LIPH: variants seen among roughly 807,000 people sequenced by gnomAD.
LIPH encodes lipase member H.
LIPH carries 32 observed loss-of-function variants against 47.6 expected under a neutral mutation model. The observed-to-expected ratio is 0.67, with a 90% CI of 0.51 to 0.90. The LOEUF is 0.90. Ranked by LOEUF, LIPH falls within the 40% of genes least tolerant of loss-of-function variation. The pLI is 0.00. For missense variants in LIPH, 497 were observed against 541.4 expected (o/e 0.92, Z 0.81); for synonymous variants, 190 against 195.6 (o/e 0.97, Z 0.24).
chr3:185,551,894 T>C (rs1374322011), intron 1 of LIPH, among the ~76,000 whole-genome samples: 2 of 152,096 alleles, frequency 1.3e-5, no homozygotes, highest in Admixed American at 6.6e-5. Context: ...TTATGATTAA[T>C]AATTTTTAAG....
chr3:185,531,534 G>C (rs926177753), intron 3 of LIPH, among the ~76,000 whole-genome samples: 4 of 149,634 alleles, frequency 2.7e-5, no homozygotes, highest in African/African-American at 9.9e-5. Context: ...TCCAGCCTGG[G>C]CGACAGAGTA....
chr3:185,540,588 T>G (rs1015515743), intron 1 of LIPH, among the ~76,000 whole-genome samples: 2 of 151,880 alleles, frequency 1.3e-5, no homozygotes, highest in African/African-American at 4.8e-5. Context: ...CATGGTGGCG[T>G]GCGCCTGTAG....
At chr3:185,513,626 C>A (rs770826292) in intron 8 of LIPH, among the ~76,000 whole-genome samples, 1 of 152,136 alleles carries the variant, frequency 6.6e-6, no homozygotes, top group Non-Finnish European at 1.5e-5. Flanking sequence ...ATTTGCACAC[C>A]CATGTTCATA....
At chr3:185,547,008 G>A (rs755930854) in intron 1 of LIPH, 23 of 410,770 alleles carry the variant, frequency 5.6e-5, no homozygotes, top group South Asian at 3.7e-4. Context: ...GGACAGAGGC[G>A]AGGAAATTCT....
intron 3 of LIPH, among the ~76,000 whole-genome samples, chr3:185,532,847 T>C (rs1720375922): frequency 6.6e-6 from 1 of 152,034 alleles, no homozygotes; most frequent in African/African-American, 2.4e-5. Flanking sequence ...AATTAAAAAC[T>C]TGTGGCCCTA....
intron 2 of LIPH, 98 bp downstream of exon 2, chr3:185,534,667 T>TA: frequency 7.9e-7 from 1 of 1,271,340 alleles, no homozygotes; most frequent in Non-Finnish European, 1.1e-6. Context: ...TGTTGCAATA[T>TA]AGGCCTCCTG....
Position 185,533,682 on chromosome 3 carries a change from G to A in LIPH, c.418-3C>T. ...TCATCAAGAGAAGCTCCTTCTGCCT[G>A]GAATTTCAAGAGGTCCATCATTGTA... is the stretch of plus-strand genomic sequence containing the variant. On this transcript the variant is annotated splice_polypyrimidine_tract_variant and splice_region_variant and intron_variant, in intron 2 of 9. Coordinates refer to ENST00000296252, the MANE Select transcript of LIPH (RefSeq NM_139248.3). 3.8e-6 allele frequency: 6 copies of A among 1,588,648 alleles called. No individual in the cohort carries two copies. The highest frequency in any genetic ancestry group is 5.2e-6 in the Non-Finnish European group (6 of 1,156,784).
intron 6 of LIPH, among the ~76,000 whole-genome samples, chr3:185,518,484 G>A (rs1315851011): frequency 3.3e-5 from 5 of 151,794 alleles, no homozygotes; most frequent in East Asian, 1.9e-4. Context: ...ATATCACCAT[G>A]TTGGCCAGGC....
rs1037932818 is a variant in LIPH at position 185,549,621 on chromosome 3, G to A, written c.49+2802C>T. The stretch of plus-strand genomic sequence containing the variant: ...ACCACCTGCAGCTGAAAAACCCTGA[G>A]GAATTGTTAAAAATGCAGATTCTAG... On this transcript the variant is annotated intron_variant, in intron 1 of 9. Transcript: ENST00000296252. 3.3e-5 allele frequency among the ~76,000 whole-genome samples: 5 copies of A among 152,170 alleles called. No homozygotes were observed. The East Asian group carries it at 5.8e-4, about 18-fold the overall frequency.
At chr3:185,535,379 C>A (rs1720474257) in intron 1 of LIPH, among the ~76,000 whole-genome samples, 1 of 151,990 alleles carries the variant, frequency 6.6e-6, no homozygotes, top group Non-Finnish European at 1.5e-5. Flanking sequence ...CAGGCTCAAG[C>A]AATTCTCCCT....
intron 1 of LIPH, among the ~76,000 whole-genome samples, chr3:185,537,409 C>A (rs1198361315): frequency 1.3e-5 from 2 of 152,086 alleles, no homozygotes; most frequent in African/African-American, 4.8e-5. Flanking sequence ...CATCAAGTAG[C>A]CTGTGTAGCG....
Position 185,511,663 on chromosome 3 carries a change from T to G in LIPH, c.1129A>C (p.Ser377Arg). The change falls in exon 9 of 10, where the codon AGT becomes CGT. Residue 377 changes from serine to arginine, a missense_variant. Ser to Arg is a moderately radical substitution (Grantham distance 110). Coordinates refer to ENST00000296252, the MANE Select transcript of LIPH (RefSeq NM_139248.3). Reference protein sequence around the residue: ...PTTFQKYHQVSLLARFNQDLD... With the variant: ...PTTFQKYHQVRLLARFNQDLD... ...TCTTGATTAAATCTTGCAAGTAGAC[T>G]CACTTGGTGATATTTCTGAAATGTG... 2 of 1,613,312 alleles carry G rather than the reference T, an allele frequency of 1.2e-6. No individual in the cohort carries two copies. The highest frequency in any genetic ancestry group is 1.7e-6 in the Non-Finnish European group (2 of 1,179,298).
intron 5 of LIPH, among the ~76,000 whole-genome samples, chr3:185,522,383 C>A (rs1440592568): frequency 6.6e-6 from 1 of 151,576 alleles, no homozygotes; most frequent in African/African-American, 2.4e-5. Context: ...GTAGCTCACA[C>A]CTGTAATCCT....
chr3:185,530,441 G>A (rs7373395), intron 3 of LIPH, among the ~76,000 whole-genome samples: 84,002 of 151,696 alleles, frequency 0.55, 23,553 homozygotes, highest in South Asian at 0.72. Flanking sequence ...TCGTGCCACT[G>A]TACTCCAGCC....
At chr3:185,509,508 TA>T (rs1436706838) in intron 9 of LIPH, among the ~76,000 whole-genome samples, 1 of 151,918 alleles carries the variant, frequency 6.6e-6, no homozygotes, top group African/African-American at 2.4e-5. Flanking sequence ...CGTGTGCCTG[TA>T]ATCCCAGCTA....
chr3:185,548,696 T>C (rs79516214), intron 1 of LIPH, among the ~76,000 whole-genome samples: 7,277 of 151,736 alleles, frequency 0.048, 277 homozygotes, highest in East Asian at 0.24. Flanking sequence ...CACTGCACTC[T>C]AGCCTGGGCG....
intron 7 of LIPH, among the ~76,000 whole-genome samples, chr3:185,515,226 C>T (rs1719690483): frequency 6.6e-6 from 1 of 150,932 alleles, no homozygotes; most frequent in South Asian, 2.1e-4. Context: ...CCCTAACCAG[C>T]AGACTCAGAG....
At chr3:185,527,664 G>T in intron 3 of LIPH, 79 bp from the exon 4 acceptor site, 2 of 941,498 alleles carry the variant, frequency 2.1e-6, no homozygotes, top group South Asian at 2.7e-5. Flanking sequence ...TCTGGATGAG[G>T]GTGGCTCCCA....
intron 4 of LIPH, among the ~76,000 whole-genome samples, chr3:185,526,184 G>A (rs562997862): frequency 2.8e-4 from 42 of 151,978 alleles, no homozygotes; most frequent in Non-Finnish European, 4.7e-4. Context: ...ACAACATAGC[G>A]AGACCCCCAT....
Sources: gnomAD v4.1 joint callset for allele counts (sites outside exome capture counted in the v4.1 genomes callset) on GRCh38, gnomAD v4.1.1 for gene constraint, MANE v1.5 for transcripts, NCBI Gene and HGNC (gene_info 2026-07-23, HGNC 2026-07-21) for gene names.